Variants in PRSS55 observed in about 807,000 individuals in gnomAD.
PRSS55 encodes serine protease 55, also known as probable serine protease UNQ9391/PRO34284.
In PRSS55, 41 loss-of-function variants were observed where a neutral mutation model predicts 23.6. The ratio of observed to expected loss-of-function variants is 1.74; its 90% CI spans 1.35 to 2.26. PRSS55 has a LOEUF of 2.26. Among genes scored for constraint, PRSS55 ranks in the 30% most tolerant of loss-of-function variants. The pLI, the probability that PRSS55 is intolerant of heterozygous loss-of-function variation, is 0.00. For missense variants in PRSS55, 669 were observed against 439.1 expected, an observed-to-expected ratio of 1.52 and a Z score of -4.68; for synonymous variants, 262 against 175.5, an observed-to-expected ratio of 1.49 and a Z score of -3.90.
chr8:10,541,376 T>C (rs915625140), downstream of PRSS55: 27 of 152,226 alleles, frequency 1.8e-4, no homozygotes, highest in African/African-American at 5.3e-4. Flanking sequence ...ACAAAAATGA[T>C]TGGCCTCCCC....
At chr8:10,534,356 GA>G (rs954383677) in intron 4 of PRSS55, among the ~76,000 whole-genome samples, 4 of 152,162 alleles carry the variant, frequency 2.6e-5, no homozygotes, top group Non-Finnish European at 4.4e-5. Flanking sequence ...ATCTTGACCA[GA>G]AAACATTAAC....
chr8:10,527,393 G>T (rs899769193), intron 1 of PRSS55, among the ~76,000 whole-genome samples: 2 of 152,236 alleles, frequency 1.3e-5, no homozygotes, highest in African/African-American at 4.8e-5. Flanking sequence ...CAAGCATGTT[G>T]CCCTCTCCAT....
chr8:10,533,607 G>C (rs565915242), intron 4 of PRSS55, among the ~76,000 whole-genome samples: 3 of 152,212 alleles, frequency 2.0e-5, no homozygotes, highest in East Asian at 1.9e-4. Context: ...ATTATTGATA[G>C]CCAGAAAAAT....
At chr8:10,541,791 C>T (rs771515920), downstream of PRSS55, among the ~76,000 whole-genome samples, 5 of 152,260 alleles carry the variant, frequency 3.3e-5, no homozygotes, top group African/African-American at 4.8e-5. Context: ...CATGGCCTCA[C>T]TCTGTCGCCC....
chr8:10,531,396 G>C lies in PRSS55; in HGVS notation c.449G>C (p.Arg150Thr). 6.2e-7 allele frequency: 1 copy of C among 1,614,248 alleles called. No homozygotes were observed. The highest frequency in any genetic ancestry group is 8.5e-7 in the Non-Finnish European group (1 of 1,180,060). The change falls in exon 3 of 5, where the codon AGA (arginine) becomes ACA (threonine). Residue 150 changes from arginine (R) to threonine (T), a missense_variant. By Grantham distance (71) the Arg-to-Thr change is moderately conservative (BLOSUM62 -1). Transcript: ENST00000328655. ...ATCATTCTTCACAAAGACTTTAAGAGAGCCAACATGGACAATGACATTGCC... is the reference window on the plus strand; with the variant it reads ...ATCATTCTTCACAAAGACTTTAAGACAGCCAACATGGACAATGACATTGCC... Reference protein sequence around the residue: ...ASIILHKDFKRANMDNDIALL... With the variant: ...ASIILHKDFKTANMDNDIALL...
intron 4 of PRSS55, among the ~76,000 whole-genome samples, chr8:10,537,555 T>A (rs1812499342): frequency 7.0e-6 from 1 of 143,248 alleles, no homozygotes; most frequent in African/African-American, 2.6e-5. Context: ...AAAGTGATTA[T>A]AGACAACAAG....
rs138565321 is a variant in PRSS55 at position 10,537,000 on chromosome 8, T to C, written c.742-1476T>C. Among the ~76,000 whole-genome samples, 353 of 152,222 alleles carry C rather than the reference T, an allele frequency of 2.3e-3. 1 individual carries two copies. The highest frequency in any genetic ancestry group is 7.8e-3 in the African/African-American group (325 of 41,532). ...CAATTTACTCACATAACAAATCTGC[T>C]CATGTACCCTATGAACGTAAAATAA... On this transcript the variant is annotated intron_variant, in intron 4 of 4. Transcript: ENST00000328655.
intron 1 of PRSS55, among the ~76,000 whole-genome samples, chr8:10,528,429 C>T (rs1812115022): frequency 6.6e-6 from 1 of 152,196 alleles, no homozygotes; most frequent in Non-Finnish European, 1.5e-5. Context: ...TAGAGTCAAA[C>T]TCATGCCTTG....
chr8:10,531,766 A>G, intron 3 of PRSS55: 2 of 592,550 alleles, frequency 3.4e-6, no homozygotes, highest in Non-Finnish European at 5.9e-6. Context: ...CAGCTAGCAC[A>G]GAGCAGTGTG....
At chr8:10,546,539 G>A (rs911654946) in intron 4 of PRSS55, among the ~76,000 whole-genome samples, 1 of 152,150 alleles carries the variant, frequency 6.6e-6, no homozygotes, top group Admixed American at 6.5e-5. Context: ...TGTCAACCCA[G>A]CCTCAGGCAG....
chr8:10,532,657 T>G (rs931191414), intron 3 of PRSS55, among the ~76,000 whole-genome samples: 36 of 152,338 alleles, frequency 2.4e-4, no homozygotes, highest in African/African-American at 8.2e-4. Context: ...TGGGGTCAAG[T>G]TGGAAGTCTT....
chr8:10,537,343 GACATT>G (rs1489380669), intron 4 of PRSS55, among the ~76,000 whole-genome samples: 1 of 152,138 alleles, frequency 6.6e-6, no homozygotes, highest in Non-Finnish European at 1.5e-5. Context: ...AGAACTGGAG[GACATT>G]ACATTAAGTA....
chr8:10,538,997 T>C (rs1438505104), downstream of PRSS55, among the ~76,000 whole-genome samples: 14 of 150,860 alleles, frequency 9.3e-5, no homozygotes, highest in Admixed American at 9.2e-4. Context: ...TAGGTGACAG[T>C]CACCTAATTC....
At chr8:10,532,215 A>C (rs79034410) in intron 3 of PRSS55, among the ~76,000 whole-genome samples, 2,673 of 152,238 alleles carry the variant, frequency 0.018, 87 homozygotes, top group African/African-American at 0.061. Context: ...GGAGTTTAGC[A>C]ACCAGAGGGG....
At chr8:10,527,117 T>A (rs1379946823) in intron 1 of PRSS55, among the ~76,000 whole-genome samples, 1 of 152,256 alleles carries the variant, frequency 6.6e-6, no homozygotes, top group African/African-American at 2.4e-5. Flanking sequence ...ATCACAAGTT[T>A]TAAATATGAT....
chr8:10,531,025 A>G (rs991157645), intron 2 of PRSS55, among the ~76,000 whole-genome samples: 1 of 152,122 alleles, frequency 6.6e-6, no homozygotes, highest in Non-Finnish European at 1.5e-5. Flanking sequence ...CCTTTGCTGT[A>G]TTAGACAGAA....
downstream of PRSS55, chr8:10,540,766 C>G (rs1181767996): frequency 1.3e-5 from 2 of 152,152 alleles, no homozygotes; most frequent in African/African-American, 4.8e-5. Flanking sequence ...TTTTCCCACT[C>G]TAACCCTACT....
downstream of PRSS55, among the ~76,000 whole-genome samples, chr8:10,539,640 T>C (rs1175672319): frequency 1.3e-5 from 2 of 152,206 alleles, no homozygotes; most frequent in African/African-American, 4.8e-5. Context: ...ACTGTTCTCA[T>C]GGTAGTGAGT....
In PRSS55 at chr8:10,548,840, G is replaced by C. The variant is rs990819526; in HGVS notation, c.742-5103G>C. ...CCTTTTATTAAAGCATCTCCCGTGTGTCAGGCACTGTGCTGGGGACCTGGT... is the reference window on the plus strand; with the variant it reads ...CCTTTTATTAAAGCATCTCCCGTGTCTCAGGCACTGTGCTGGGGACCTGGT... On this transcript the variant is annotated intron_variant, in intron 4 of 4. Transcript: ENST00000522210. Among the ~76,000 whole-genome samples, 4 of 152,132 alleles carry C rather than the reference G, an allele frequency of 2.6e-5. 1 individual carries two copies. The highest frequency in any genetic ancestry group is 9.7e-5 in the African/African-American group (4 of 41,424).
Sources: gnomAD v4.1 joint callset for allele counts (sites outside exome capture counted in the v4.1 genomes callset) on GRCh38, gnomAD v4.1.1 for gene constraint, MANE v1.5 for transcripts, NCBI Gene and HGNC (gene_info 2026-07-23, HGNC 2026-07-21) for gene names.